Variants in SLC9D1 observed in about 807,000 individuals in gnomAD.
The protein encoded by SLC9D1 is solute carrier family 9 member D1.
chr13:113,525,753 CCAT>C, the SLC9D1 span, among the ~76,000 whole-genome samples: 36 of 151,784 alleles, frequency 2.4e-4, no homozygotes, highest in African/African-American at 8.0e-4. Context: ...CTAGAACAAG[CCAT>C]CGTCGTCGTA....
chr13:113,537,522 G>C, the SLC9D1 span, among the ~76,000 whole-genome samples: 1 of 152,246 alleles, frequency 6.6e-6, no homozygotes, highest in African/African-American at 2.4e-5. Flanking sequence ...TGTCAGATAT[G>C]TTTTTGCAAA....
At chr13:113,543,070 CCGCCCT>C in the SLC9D1 span, among the ~76,000 whole-genome samples, 2 of 118,896 alleles carry the variant, frequency 1.7e-5, no homozygotes, top group African/African-American at 6.2e-5. Flanking sequence ...CCCCTGCCTC[CCGCCCT>C]ACCTCTGTCT....
the SLC9D1 span, among the ~76,000 whole-genome samples, chr13:113,545,100 G>T: frequency 3.3e-5 from 5 of 152,212 alleles, no homozygotes; most frequent in Non-Finnish European, 5.9e-5. Flanking sequence ...GCTGTTGGGC[G>T]TCCCTCCCTG....
the SLC9D1 span, chr13:113,495,793 T>C: frequency 1.1e-5 from 18 of 1,614,022 alleles, no homozygotes; most frequent in Admixed American, 1.7e-5. Flanking sequence ...CTGAACAAAC[T>C]GAAAACTGCA....
chr13:113,522,451 C>T, the SLC9D1 span, among the ~76,000 whole-genome samples: 2 of 152,230 alleles, frequency 1.3e-5, no homozygotes, highest in Non-Finnish European at 2.9e-5. Flanking sequence ...CGCCATTCTC[C>T]TGCCTCAGCC....
At chr13:113,496,049 A>G in the SLC9D1 span, 2 of 1,513,368 alleles carry the variant, frequency 1.3e-6, no homozygotes, top group Non-Finnish European at 1.8e-6. Context: ...AGGGAGAGAG[A>G]GAGAGAGGGA....
At chr13:113,546,432 G>A in the SLC9D1 span, among the ~76,000 whole-genome samples, 1 of 152,114 alleles carries the variant, frequency 6.6e-6, no homozygotes. This position sits in a 1 kb window ranked among gnomAD's most constrained non-coding sequence, Gnocchi z 7.1. Flanking sequence ...CCCAGACCCA[G>A]GAGGAGGGGC....
At chr13:113,500,048 G>A in the SLC9D1 span, 1 of 1,593,480 alleles carries the variant, frequency 6.3e-7, no homozygotes, top group South Asian at 1.1e-5. Context: ...AGTGGAGGAT[G>A]ACTTGGGTCT....
chr13:113,499,889 T>C, the SLC9D1 span: 2 of 904,532 alleles, frequency 2.2e-6, no homozygotes, highest in Non-Finnish European at 1.6e-6. Flanking sequence ...TTCTTCTGTT[T>C]AGCGTTCATT....
the SLC9D1 span, chr13:113,527,430 G>T: frequency 3.9e-5 from 6 of 152,228 alleles, no homozygotes; most frequent in East Asian, 1.2e-3. Flanking sequence ...TCACTCCGAG[G>T]GCATCTCACG....
chr13:113,500,973 A>G, the SLC9D1 span, among the ~76,000 whole-genome samples: 2 of 152,104 alleles, frequency 1.3e-5, no homozygotes, highest in Non-Finnish European at 1.5e-5. Context: ...ATGAATAATC[A>G]ATTTCCAGGG....
the SLC9D1 span, among the ~76,000 whole-genome samples, chr13:113,496,811 A>AG: frequency 1.3e-5 from 2 of 152,172 alleles, no homozygotes; most frequent in Admixed American, 1.3e-4. Flanking sequence ...AATAACACTG[A>AG]TTCATTTGTC....
the SLC9D1 span, chr13:113,498,704 T>A: frequency 3.8e-6 from 2 of 521,304 alleles, no homozygotes; most frequent in African/African-American, 4.1e-5. Context: ...ATCTTTTATT[T>A]TCCTTTTATA....
At chr13:113,531,292 C>T in the SLC9D1 span, among the ~76,000 whole-genome samples, 2,187 of 152,284 alleles carry the variant, frequency 0.014, 53 homozygotes, top group African/African-American at 0.05. Context: ...CTCACCTGTC[C>T]GCGGGCCAGA....
At chr13:113,547,203 C>A in the SLC9D1 span, 7 of 915,788 alleles carry the variant, frequency 7.6e-6, no homozygotes, top group Non-Finnish European at 1.1e-5. Flanking sequence ...ATTTTAATTC[C>A]TGTATTGAAG....
chr13:113,538,738 C>G, the SLC9D1 span, among the ~76,000 whole-genome samples: 33 of 152,378 alleles, frequency 2.2e-4, no homozygotes, highest in African/African-American at 7.5e-4. Context: ...TTTGTTTTCT[C>G]AAGATAAAAA....
chr13:113,508,642 T>G, the SLC9D1 span, among the ~76,000 whole-genome samples: 3,847 of 152,230 alleles, frequency 0.025, 101 homozygotes, highest in East Asian at 0.12. Flanking sequence ...TCTGCTGGCC[T>G]CCTGTCACAT....
At chr13:113,495,211 T>C in the SLC9D1 span, among the ~76,000 whole-genome samples, 1 of 152,180 alleles carries the variant, frequency 6.6e-6, no homozygotes, top group Non-Finnish European at 1.5e-5. Flanking sequence ...GTGGAGTTGG[T>C]AGAGATACGA....
the SLC9D1 span, among the ~76,000 whole-genome samples, chr13:113,518,824 C>T: frequency 5.3e-5 from 8 of 152,206 alleles, no homozygotes; most frequent in Non-Finnish European, 1.0e-4. Flanking sequence ...TTAACGTCAT[C>T]GTCTGTTCAG....
Sources: gnomAD v4.1 joint callset for allele counts (sites outside exome capture counted in the v4.1 genomes callset) on GRCh38, gnomAD v4.1.1 for gene constraint, Gnocchi (gnomAD v3.1) non-coding constraint, MANE v1.5 for transcripts, NCBI Gene and HGNC (gene_info 2026-07-23, HGNC 2026-07-21) for gene names.